MDGA2: variants seen among roughly 807,000 people sequenced by gnomAD.
The protein encoded by MDGA2 is MAM domain-containing glycosylphosphatidylinositol anchor protein 2.
MDGA2 carries 40 observed loss-of-function variants against 117.8 expected under a neutral mutation model. The ratio of observed to expected loss-of-function variants is 0.34; its 90% confidence interval spans 0.26 to 0.44. The LOEUF (loss-of-function observed/expected upper bound fraction) is 0.44, where lower values mean the gene tolerates loss of function less well. MDGA2 is among the 20% of genes least tolerant of loss of function. MDGA2 has a pLI of 1.00. For synonymous variants in MDGA2, 452 were observed against 439.0 expected (o/e 1.03, Z -0.37); for missense variants, 1,123 against 1,250.6 (o/e 0.90, Z 1.54).
chr14:46,963,767 T>C (rs1418842929), intron 8 of MDGA2, among the ~76,000 whole-genome samples: 2 of 152,186 alleles, frequency 1.3e-5, no homozygotes, highest in African/African-American at 4.8e-5. Flanking sequence ...ATCTTGTTTA[T>C]GTAAGCTCCA....
At chr14:47,046,969 T>C (rs960097897) in intron 7 of MDGA2, among the ~76,000 whole-genome samples, 1 of 152,174 alleles carries the variant, frequency 6.6e-6, no homozygotes, top group Non-Finnish European at 1.5e-5. Flanking sequence ...ATGTTACAAT[T>C]TGTACCCAAT....
intron 1 of MDGA2, among the ~76,000 whole-genome samples, chr14:47,587,763 A>C (rs1484747778): frequency 2.0e-5 from 3 of 151,920 alleles, no homozygotes; most frequent in Non-Finnish European, 4.4e-5. Context: ...TGTACAATTC[A>C]GGAGTCTTTG....
chr14:47,146,300 C>A (rs966913452), intron 3 of MDGA2, among the ~76,000 whole-genome samples: 1 of 152,060 alleles, frequency 6.6e-6, no homozygotes, highest in African/African-American at 2.4e-5. Flanking sequence ...TTTCTTCCAA[C>A]ATCAGAATAT....
intron 1 of MDGA2, among the ~76,000 whole-genome samples, chr14:47,342,119 G>C (rs1389671816): frequency 6.6e-6 from 1 of 151,892 alleles, no homozygotes; most frequent in Non-Finnish European, 1.5e-5. Context: ...CCAAAGTGTT[G>C]GGGTTACAGG....
In MDGA2 at chr14:47,668,889, G is replaced by A. The variant is rs77561975; in HGVS notation, c.280+5628C>T. 3.2e-3 allele frequency among the ~76,000 whole-genome samples: 482 copies of A among 152,270 alleles called. 13 individuals are homozygous for A. The East Asian group carries it at 0.068, about 22-fold the overall frequency. On this transcript the variant is annotated intron_variant, in intron 1 of 16. Coordinates refer to ENST00000399232, the MANE Select transcript of MDGA2 (RefSeq NM_001113498.3). ...CCAGAGTAGGTCAGTGTATCTGGCT[G>A]TTTGCTGTTGCCTTTATAGATTACA...
At chr14:46,845,629 G>C in intron 16 of MDGA2, 137 bp downstream of exon 16, 1 of 525,452 alleles carries the variant, frequency 1.9e-6, no homozygotes, top group Non-Finnish European at 3.4e-6. Flanking sequence ...ACAAACTTTA[G>C]GGTATTACAT....
At chr14:47,187,841 T>C (rs1416817565) in intron 3 of MDGA2, among the ~76,000 whole-genome samples, 1 of 152,062 alleles carries the variant, frequency 6.6e-6, no homozygotes, top group African/African-American at 2.4e-5. Context: ...AAAGTCAGGA[T>C]GTCAGTCATC....
chr14:47,442,198 G>A (rs1327534629), intron 1 of MDGA2, among the ~76,000 whole-genome samples: 1 of 152,042 alleles, frequency 6.6e-6, no homozygotes, highest in African/African-American at 2.4e-5. Context: ...GGTCGGTTAA[G>A]GTATGTATAC....
At chr14:47,655,560 C>G (rs1897727000) in intron 1 of MDGA2, among the ~76,000 whole-genome samples, 1 of 152,074 alleles carries the variant, frequency 6.6e-6, no homozygotes, top group Non-Finnish European at 1.5e-5. Flanking sequence ...TAGACACCTC[C>G]TCAGTGAGTT....
chr14:47,328,135 G>A (rs578160069), intron 1 of MDGA2, among the ~76,000 whole-genome samples: 1 of 152,218 alleles, frequency 6.6e-6, no homozygotes, highest in South Asian at 2.1e-4. Context: ...ATGATCAAAA[G>A]ATTGAGGTGA....
chr14:47,386,187 C>A lies in MDGA2; in HGVS notation c.281-84637G>T, dbSNP rs140973560. ...ATCCCAGCTACTCAGGAGGCTGAGGCAGGAGAATTGTTTGAACACGGAGGC... is the reference window on the plus strand; with the variant it reads ...ATCCCAGCTACTCAGGAGGCTGAGGAAGGAGAATTGTTTGAACACGGAGGC... On this transcript the variant is annotated intron_variant, in intron 1 of 16. Coordinates refer to ENST00000399232, the MANE Select transcript of MDGA2 (RefSeq NM_001113498.3). 2.1e-3 allele frequency among the ~76,000 whole-genome samples: 317 copies of A among 152,116 alleles called. 1 individual carries two copies. The highest frequency in any genetic ancestry group is 7.2e-3 in the African/African-American group (298 of 41,478).
At chr14:46,940,674 T>C (rs1043953069) in intron 9 of MDGA2, among the ~76,000 whole-genome samples, 9 of 150,852 alleles carry the variant, frequency 6.0e-5, no homozygotes, top group African/African-American at 1.9e-4. Flanking sequence ...TCTAAAAGCC[T>C]TGTATTCATT....
intron 1 of MDGA2, among the ~76,000 whole-genome samples, chr14:47,339,857 C>A (rs1890567994): frequency 6.6e-6 from 1 of 152,136 alleles, no homozygotes; most frequent in South Asian, 2.1e-4. Context: ...CTGTGGCTAA[C>A]TTACATTTAC....
At chr14:47,515,717 T>A (rs1329283646) in intron 1 of MDGA2, among the ~76,000 whole-genome samples, 1 of 152,022 alleles carries the variant, frequency 6.6e-6, no homozygotes, top group East Asian at 1.9e-4. Flanking sequence ...CAATATATTT[T>A]TAGGAATAAA....
intron 1 of MDGA2, among the ~76,000 whole-genome samples, chr14:47,589,271 A>G (rs1005417725): frequency 6.6e-6 from 1 of 151,980 alleles, no homozygotes; most frequent in African/African-American, 2.4e-5. Flanking sequence ...AAACTCATGA[A>G]GATTTAGGCC....
At chr14:46,888,920 C>A (rs1048123061) in intron 10 of MDGA2, among the ~76,000 whole-genome samples, 1 of 151,728 alleles carries the variant, frequency 6.6e-6, no homozygotes, top group African/African-American at 2.4e-5. Flanking sequence ...TGTTTAGCAA[C>A]CATACTGATA....
intron 3 of MDGA2, among the ~76,000 whole-genome samples, chr14:47,191,419 CATATAT>C (rs59188931): frequency 7.0e-6 from 1 of 143,526 alleles, no homozygotes; most frequent in African/African-American, 2.5e-5. Flanking sequence ...TATATATTTA[CATATAT>C]ATATATATAT....
intron 10 of MDGA2, among the ~76,000 whole-genome samples, chr14:46,918,016 G>A (rs1030339610): frequency 1.6e-4 from 25 of 152,132 alleles, no homozygotes; most frequent in Admixed American, 1.6e-3. Flanking sequence ...TATTTGAGGT[G>A]CATAAAAGTA....
At chr14:47,393,849 C>T (rs1477419202) in intron 1 of MDGA2, among the ~76,000 whole-genome samples, 2 of 152,100 alleles carry the variant, frequency 1.3e-5, no homozygotes, top group Admixed American at 6.6e-5. Context: ...ATCATACTGG[C>T]TTACCAGGAA....
Sources: allele counts gnomAD v4.1 joint callset (sites outside exome capture counted in the v4.1 genomes callset), GRCh38; gene constraint gnomAD v4.1.1; transcripts MANE v1.5; gene names NCBI Gene and HGNC (gene_info 2026-07-23, HGNC 2026-07-21).